The following CPVL variants were observed in gnomAD, a reference collection of about 807,000 sequenced individuals.
The protein encoded by CPVL is carboxypeptidase vitellogenic like.
CPVL carries 51 observed loss-of-function variants against 63.7 expected under a neutral mutation model. The observed-to-expected ratio is 0.80, with a 90% confidence interval of 0.64 to 1.01. The LOEUF (loss-of-function observed/expected upper bound fraction) is 1.01, where lower values mean the gene tolerates loss of function less well. Among genes scored for constraint, CPVL ranks in the 50% least tolerant of loss-of-function variants. CPVL has a pLI of 0.00. For synonymous variants in CPVL, 195 were observed against 206.0 expected, an observed-to-expected ratio of 0.95 and a Z score of 0.46; for missense variants, 530 against 573.1, an observed-to-expected ratio of 0.92 and a Z score of 0.77.
intron 4 of CPVL, among the ~76,000 whole-genome samples, 156 bp from the exon 5 acceptor site, chr7:29,095,298 C>A (rs965167027): frequency 2.6e-5 from 4 of 152,120 alleles, no homozygotes; most frequent in Non-Finnish European, 5.9e-5. Flanking sequence ...GAACAGGCAC[C>A]TGCACCTTTA....
At chr7:29,008,970 G>A (rs1430663220) in intron 12 of CPVL, 2 of 152,030 alleles carry the variant, frequency 1.3e-5, no homozygotes, top group African/African-American at 4.8e-5. Context: ...TTTACTTGCT[G>A]CTTCTTACTG....
chr7:29,130,224 T>A (rs927980097), intron 1 of CPVL, among the ~76,000 whole-genome samples: 2 of 152,204 alleles, frequency 1.3e-5, no homozygotes, highest in African/African-American at 2.4e-5. Flanking sequence ...CCAAGAGTTC[T>A]ACTTTAAGTT....
chr7:29,138,467 A>C (rs777156791), intron 1 of CPVL, among the ~76,000 whole-genome samples: 6 of 152,152 alleles, frequency 3.9e-5, no homozygotes, highest in Non-Finnish European at 7.3e-5. Flanking sequence ...AAGAAGAAGA[A>C]GAAAGTAAAA....
At chr7:29,063,409 T>A (rs564188238) in intron 11 of CPVL, among the ~76,000 whole-genome samples, 1 of 152,314 alleles carries the variant, frequency 6.6e-6, no homozygotes, top group East Asian at 1.9e-4. Flanking sequence ...TTGGGATTCA[T>A]GTAACAAAGC....
chr7:29,008,189 T>C (rs1006110159), intron 12 of CPVL, among the ~76,000 whole-genome samples: 1 of 152,102 alleles, frequency 6.6e-6, no homozygotes, highest in African/African-American at 2.4e-5. Flanking sequence ...GGGGATGATA[T>C]GGTATTTTGT....
At chr7:29,081,732 A>G (rs925412012) in intron 7 of CPVL, among the ~76,000 whole-genome samples, 1 of 152,214 alleles carries the variant, frequency 6.6e-6, no homozygotes, top group Admixed American at 6.5e-5. Flanking sequence ...TGGGAGTCAT[A>G]ATATATTAGC....
At chr7:29,042,828 G>C (rs150851688) in intron 11 of CPVL, among the ~76,000 whole-genome samples, 1 of 152,190 alleles carries the variant, frequency 6.6e-6, no homozygotes, top group South Asian at 2.1e-4. Flanking sequence ...CCTGCAAAAA[G>C]CATTAACCTA....
intron 12 of CPVL, among the ~76,000 whole-genome samples, chr7:29,005,851 C>G (rs1014555631): frequency 1.3e-5 from 2 of 152,330 alleles, no homozygotes; most frequent in African/African-American, 4.8e-5. Context: ...ATAAAAAGCA[C>G]AATCCAGTTC....
rs570037411 is a variant in CPVL, at chr7:29,046,464, G to A, written c.1138-15705C>T. Among the ~76,000 whole-genome samples, 12 of 152,124 alleles carry A rather than the reference G, an allele frequency of 7.9e-5. No homozygotes were observed. In the South Asian group the frequency reaches 2.5e-3, roughly 32 times the overall value. On this transcript the variant is annotated intron_variant, in intron 11 of 12. Coordinates refer to ENST00000265394, the MANE Select transcript of CPVL (RefSeq NM_031311.5). ...AAAAGCACAAGTGCAAGTAAGAATT[G>A]GCATTTGCAGATGGTTCCTCTTAAA...
intron 11 of CPVL, among the ~76,000 whole-genome samples, chr7:29,046,562 C>T (rs540837097): frequency 1.4e-3 from 109 of 75,430 alleles, no homozygotes; most frequent in African/African-American, 6.0e-3. Context: ...TGCACGTGCG[C>T]GCGTGCACAC....
chr7:29,104,087 A>C (rs1429209023), intron 3 of CPVL, among the ~76,000 whole-genome samples: 1 of 152,204 alleles, frequency 6.6e-6, no homozygotes, highest in Non-Finnish European at 1.5e-5. Context: ...TAGGTACATA[A>C]CATTTTAATT....
intron 2 of CPVL, among the ~76,000 whole-genome samples, 164 bp downstream of exon 2, chr7:29,120,729 G>A (rs988380997): frequency 2.0e-5 from 3 of 151,212 alleles, no homozygotes; most frequent in Non-Finnish European, 4.4e-5. Flanking sequence ...GCTGAGGCAG[G>A]AGAATTGCTT....
chr7:29,161,118 T>G (rs1174684877), intron 5 of CPVL, among the ~76,000 whole-genome samples: 3 of 152,302 alleles, frequency 2.0e-5, no homozygotes, highest in Non-Finnish European at 1.5e-5. Flanking sequence ...TCGTTCTACC[T>G]TATCTATGAT....
At chr7:29,095,849 T>C (rs545237262) in intron 4 of CPVL, among the ~76,000 whole-genome samples, 2 of 152,216 alleles carry the variant, frequency 1.3e-5, no homozygotes, top group Non-Finnish European at 1.5e-5. Context: ...CCCAGAATGC[T>C]TGAGTCAGCA....
chr7:29,086,575 C>G (rs2128597302), intron 6 of CPVL, 25 bp from the exon 7 acceptor site: 1 of 1,510,186 alleles, frequency 6.6e-7, no homozygotes, highest in Non-Finnish European at 9.2e-7. Context: ...ACAAGAACAA[C>G]ACAAATTAAT....
At chr7:29,061,075 C>A (rs1049912583) in intron 11 of CPVL, among the ~76,000 whole-genome samples, 14 of 152,146 alleles carry the variant, frequency 9.2e-5, no homozygotes, top group Non-Finnish European at 2.1e-4. Context: ...TTTATCTATA[C>A]CACTAAACTC....
chr7:29,067,987 CTAAT>C (rs1783302274), intron 9 of CPVL, among the ~76,000 whole-genome samples: 1 of 151,712 alleles, frequency 6.6e-6, no homozygotes, highest in African/African-American at 2.4e-5. Flanking sequence ...AGAAAATAGA[CTAAT>C]TATTATATTC....
chr7:29,056,916 A>G (rs1454966964), intron 11 of CPVL, among the ~76,000 whole-genome samples: 2 of 150,346 alleles, frequency 1.3e-5, no homozygotes, highest in Non-Finnish European at 3.0e-5. Context: ...GTAATACCCT[A>G]ATGACATATG....
chr7:29,127,137 G>A (rs1437306769), intron 1 of CPVL, among the ~76,000 whole-genome samples: 3 of 152,172 alleles, frequency 2.0e-5, no homozygotes, highest in Non-Finnish European at 4.4e-5. Context: ...ATCAGGAAGA[G>A]GAGAAAATAA....
Sources: allele counts gnomAD v4.1 joint callset (sites outside exome capture counted in the v4.1 genomes callset), GRCh38; gene constraint gnomAD v4.1.1; transcripts MANE v1.5; gene names NCBI Gene and HGNC (gene_info 2026-07-23, HGNC 2026-07-21).